Variants in RGMB observed in about 807,000 individuals in gnomAD.
The protein encoded by RGMB is repulsive guidance molecule B.
A neutral mutation model predicts 26.9 loss-of-function variants in RGMB; 16 were observed. That is an observed-to-expected ratio of 0.60 (90% CI 0.40 to 0.90). RGMB has a LOEUF of 0.90. RGMB is among the 40% of genes least tolerant of loss of function. RGMB has a pLI of 0.00. For missense variants in RGMB, 512 were observed against 573.3 expected (o/e 0.89, Z 1.09); for synonymous variants, 225 against 229.3 (o/e 0.98, Z 0.17).
At chr5:98,772,097 G>A (rs756360189), upstream of RGMB, among the ~76,000 whole-genome samples, 5 of 152,170 alleles carry the variant, frequency 3.3e-5, no homozygotes, top group Non-Finnish European at 5.9e-5. Flanking sequence ...TTAGTCCGCA[G>A]CATTATCTAA....
chr5:98,784,820 TAGGTC>T (rs769197124), intron 2 of RGMB, among the ~76,000 whole-genome samples: 3 of 152,206 alleles, frequency 2.0e-5, no homozygotes, highest in Non-Finnish European at 4.4e-5. Flanking sequence ...CTTCCATTGA[TAGGTC>T]TGTGTTTTGA....
rs769905532 is a variant in RGMB, at chr5:98,793,072, C to G, written c.646-13C>G. 1.3e-6 allele frequency: 2 copies of G among 1,577,174 alleles called. No homozygotes were observed. The highest frequency in any genetic ancestry group is 2.7e-5 in the African/African-American group (2 of 74,122). On this transcript the variant is annotated splice_polypyrimidine_tract_variant and intron_variant, in intron 2 of 2. Coordinates refer to ENST00000513185, the MANE Select transcript of RGMB (RefSeq NM_001366508.1). ...CCCATTCTGTTAAACCTTGTACATG[C>G]TCCTTCCCACAGATCACTATTATCT... is the stretch of plus-strand genomic sequence containing the variant.
At chr5:98,791,542 G>T (rs1030963553) in intron 2 of RGMB, among the ~76,000 whole-genome samples, 1 of 152,082 alleles carries the variant, frequency 6.6e-6, no homozygotes, top group Non-Finnish European at 1.5e-5. Context: ...CTATTGTTTC[G>T]ATTAGTTTCC....
At chr5:98,791,232 A>G (rs2112375759) in intron 2 of RGMB, among the ~76,000 whole-genome samples, 1 of 152,348 alleles carries the variant, frequency 6.6e-6, no homozygotes, top group East Asian at 1.9e-4. Context: ...GAGAAAACCC[A>G]GCATTTTCAT....
At chr5:98,788,573 G>GAGAGAC (rs1316238849) in intron 2 of RGMB, among the ~76,000 whole-genome samples, 1 of 152,156 alleles carries the variant, frequency 6.6e-6, no homozygotes, top group African/African-American at 2.4e-5. Flanking sequence ...CCCCTCGAGA[G>GAGAGAC]AGAGACAGAG....
upstream of RGMB, chr5:98,770,687 C>T (rs997435933): frequency 9.7e-6 from 14 of 1,442,688 alleles, no homozygotes; most frequent in Admixed American, 1.5e-4. Context: ...AGTACAGGCA[C>T]TTGATTTCTC....
At chr5:98,791,280 C>T (rs554997605) in intron 2 of RGMB, among the ~76,000 whole-genome samples, 13 of 152,238 alleles carry the variant, frequency 8.5e-5, no homozygotes, top group African/African-American at 2.2e-4. Context: ...CTGCACACAG[C>T]GGATATGAAT....
intron 2 of RGMB, among the ~76,000 whole-genome samples, chr5:98,785,325 G>T (rs931462187): frequency 1.3e-5 from 2 of 152,190 alleles, no homozygotes; most frequent in Non-Finnish European, 2.9e-5. Context: ...AAAGCACGGG[G>T]TTTGTGTGTA....
upstream of RGMB, among the ~76,000 whole-genome samples, chr5:98,771,448 C>T (rs1404315763): frequency 6.6e-6 from 1 of 152,204 alleles, no homozygotes; most frequent in Non-Finnish European, 1.5e-5. Context: ...GCTTTCCAAG[C>T]CAATTCCTGA....
In RGMB at chr5:98,773,993, C is replaced by A; in HGVS notation, c.-78C>A. The stretch of plus-strand genomic sequence containing the variant: ...GCGAAGCGCGCCCCCCGGCCCATGC[C>A]GCAGCCACGGGCCCAGACCCGCCAC... On this transcript the variant is annotated 5_prime_UTR_variant, in exon 1 of 3. Transcript: ENST00000513185. 3.1e-6 allele frequency: 2 copies of A among 635,486 alleles called. 1 individual carries two copies. Among genetic ancestry groups the A allele is most frequent in the South Asian group, 3.4e-5 (2 of 58,790 alleles). The allele number at this position is 635,486 out of a possible 1,614,324, so 39.4% of individuals were successfully genotyped here.
intron 2 of RGMB, chr5:98,780,526 T>A (rs187305256): frequency 2.6e-5 from 4 of 155,982 alleles, no homozygotes; most frequent in African/African-American, 9.6e-5. Flanking sequence ...CATATTTTAT[T>A]GGAGATTTGG....
chr5:98,776,523 T>C (rs971977994), intron 1 of RGMB, among the ~76,000 whole-genome samples: 9 of 152,252 alleles, frequency 5.9e-5, no homozygotes, highest in Admixed American at 2.0e-4. Context: ...AGGCTTACTT[T>C]ACCGCCTATA....
At chr5:98,782,874 C>T (rs1027079138) in intron 2 of RGMB, among the ~76,000 whole-genome samples, 1 of 152,104 alleles carries the variant, frequency 6.6e-6, no homozygotes, top group Non-Finnish European at 1.5e-5. Context: ...CACAAAAAGA[C>T]AAAGTGGGGG....
rs761179569 is a variant in RGMB at position 98,793,346 on chromosome 5, T to C, written c.907T>C (p.Tyr303His). The C allele has an allele frequency of 1.2e-6, 2 of 1,613,832 alleles. No homozygotes were observed. Among genetic ancestry groups the C allele is most frequent in the Admixed American group, 3.3e-5 (2 of 60,008 alleles). Residue 303 changes from tyrosine (Y) to histidine (H), a missense_variant, in exon 3 of 3, where the codon TAC (tyrosine) becomes CAC (histidine). Transcript: ENST00000513185. ...IRMPEDLAMSYEESQDLQLCV... is the reference protein window; with the variant it reads ...IRMPEDLAMSHEESQDLQLCV... ...TATGCCTGAAGACCTGGCCATGTCC[T>C]ACGAGGAGAGCCAGGACCTGCAGCT...
In RGMB at chr5:98,792,883, C is replaced by T. The variant is rs1393204791; in HGVS notation, c.646-202C>T. ...GTCTTGATGCACAGATTTATTTAAA[C>T]TTTAGTTCTAAATATATAGGACTTT... On this transcript the variant is annotated intron_variant, in intron 2 of 2. Transcript: ENST00000513185. The T allele has an allele frequency of 3.0e-5, 12 of 397,060 alleles. No individual in the cohort carries two copies. The East Asian group carries it at 4.3e-4, about 14-fold the overall frequency. 24.6% of individuals were successfully genotyped at this position (397,060 alleles called of 1,614,324 possible).
At chr5:98,783,000 T>G (rs1177522051) in intron 2 of RGMB, among the ~76,000 whole-genome samples, 1 of 152,232 alleles carries the variant, frequency 6.6e-6, no homozygotes, top group Non-Finnish European at 1.5e-5. Flanking sequence ...CCTGCGGTGC[T>G]TAATGATGTT....
upstream of RGMB, chr5:98,770,574 T>C (rs7703280): frequency 2.5e-3 from 3,063 of 1,226,470 alleles, 60 homozygotes; most frequent in African/African-American, 0.043. Flanking sequence ...ACGCCAAGCT[T>C]TGGGACTCTT....
In RGMB at chr5:98,774,008, A is replaced by G. The variant is rs10078777; in HGVS notation, c.-63A>G. ...CGGCCCATGCCGCAGCCACGGGCCC[A>G]GACCCGCCACGGCGCCCGCGCCGCC... On this transcript the variant is annotated 5_prime_UTR_variant, in exon 1 of 3. Transcript: ENST00000513185. 11,232 of 645,332 alleles carry G rather than the reference A, an allele frequency of 0.017. 197 individuals carry two copies. Among genetic ancestry groups the G allele is most frequent in the South Asian group, 0.052 (3,035 of 58,666 alleles). The allele number at this position is 645,332 out of a possible 1,614,324, so 40.0% of individuals were successfully genotyped here.
At chr5:98,774,352 G>A in intron 1 of RGMB, 146 bp downstream of exon 1, 1 of 864,948 alleles carries the variant, frequency 1.2e-6, no homozygotes, top group Non-Finnish European at 1.6e-6. Flanking sequence ...ACGCACCTCT[G>A]TCGGGCTCCG....
Sources: allele counts gnomAD v4.1 joint callset (sites outside exome capture counted in the v4.1 genomes callset), GRCh38; gene constraint gnomAD v4.1.1; transcripts MANE v1.5; gene names NCBI Gene and HGNC (gene_info 2026-07-23, HGNC 2026-07-21).